Variants in KLF12 observed in about 807,000 individuals in gnomAD.
KLF12 encodes KLF transcription factor 12, also known as Krueppel-like factor 12.
Under a neutral mutation model 37.8 loss-of-function variants are expected in KLF12, and 9 were observed. The observed-to-expected ratio is 0.24, with a 90% CI of 0.14 to 0.42. KLF12 has a LOEUF of 0.42. KLF12 is among the 10% of genes least tolerant of loss of function. The probability of loss-of-function intolerance (pLI) is 1.00; values close to 1 mark genes in which losing one functional copy is unlikely to be tolerated. For missense variants in KLF12, 411 were observed against 516.0 expected (o/e 0.80, Z 1.97); for synonymous variants, 208 against 202.1 (o/e 1.03, Z -0.25).
chr13:74,064,660 A>C (rs1873803649), intron 1 of KLF12, among the ~76,000 whole-genome samples: 1 of 152,248 alleles, frequency 6.6e-6, no homozygotes, highest in Non-Finnish European at 1.5e-5. Flanking sequence ...TGAATGCTGA[A>C]AGGTCAATTA....
At chr13:73,701,904 G>A (rs1341284683) in intron 7 of KLF12, among the ~76,000 whole-genome samples, 1 of 151,948 alleles carries the variant, frequency 6.6e-6, no homozygotes, top group East Asian at 1.9e-4. Flanking sequence ...GAAAAACCTG[G>A]ACTAAACTAG....
chr13:73,898,469 C>T (rs1594227530), intron 3 of KLF12, among the ~76,000 whole-genome samples: 2 of 152,224 alleles, frequency 1.3e-5, no homozygotes, highest in African/African-American at 4.8e-5. Flanking sequence ...ATATCTAGGG[C>T]CAGACAATTC....
the KLF12 span, among the ~76,000 whole-genome samples, chr13:74,208,776 G>T: frequency 6.6e-6 from 1 of 152,106 alleles, no homozygotes. Context: ...GGAGTTTGAG[G>T]CAGCTTGGGC....
intron 3 of KLF12, among the ~76,000 whole-genome samples, chr13:73,892,481 TTATC>T (rs1887554875): frequency 6.6e-6 from 1 of 152,180 alleles, no homozygotes; most frequent in Non-Finnish European, 1.5e-5. Context: ...CACTAAGACT[TTATC>T]TACTCTAGCA....
chr13:74,155,352 C>T, the KLF12 span, among the ~76,000 whole-genome samples: 1 of 143,828 alleles, frequency 7.0e-6, no homozygotes, highest in African/African-American at 2.5e-5. Flanking sequence ...CTTTTCTTTC[C>T]TTTTGTTTTT....
intron 1 of KLF12, among the ~76,000 whole-genome samples, chr13:74,013,363 T>C (rs955572691): frequency 1.3e-5 from 2 of 152,138 alleles, no homozygotes; most frequent in Non-Finnish European, 2.9e-5. Context: ...CCAGACAGAG[T>C]AAGGCTGAAA....
chr13:73,748,684 A>G (rs138377584), intron 6 of KLF12, among the ~76,000 whole-genome samples: 1 of 152,306 alleles, frequency 6.6e-6, no homozygotes, highest in Non-Finnish European at 1.5e-5. Flanking sequence ...GTATTTTTTT[A>G]ATGGCAGGCC....
At chr13:73,936,671 G>T (rs1197151162) in intron 3 of KLF12, among the ~76,000 whole-genome samples, 1 of 152,082 alleles carries the variant, frequency 6.6e-6, no homozygotes, top group Non-Finnish European at 1.5e-5. Context: ...CCCTGTTTGG[G>T]TTCTTCCTCC....
the KLF12 span, among the ~76,000 whole-genome samples, chr13:74,182,198 A>G: frequency 6.6e-6 from 1 of 152,234 alleles, no homozygotes; most frequent in Non-Finnish European, 1.5e-5. Context: ...TTTGAAAAGT[A>G]TAATCTCAAT....
At chr13:73,792,817 A>G (rs1180984608) in intron 5 of KLF12, among the ~76,000 whole-genome samples, 1 of 152,220 alleles carries the variant, frequency 6.6e-6, no homozygotes, top group Admixed American at 6.5e-5. Context: ...ATGAAAGTTT[A>G]TATTTTTTAT....
At chr13:74,274,872 T>G in the KLF12 span, among the ~76,000 whole-genome samples, 1 of 152,192 alleles carries the variant, frequency 6.6e-6, no homozygotes, top group South Asian at 2.1e-4. Flanking sequence ...TTCTCCCACT[T>G]CATCAATTTT....
At chr13:73,829,361 C>T (rs555851839) in intron 4 of KLF12, among the ~76,000 whole-genome samples, 115 of 152,168 alleles carry the variant, frequency 7.6e-4, no homozygotes, top group Non-Finnish European at 1.4e-3. Context: ...CAAAATAAAT[C>T]AGTACTGTAA....
chr13:74,249,267 A>G, the KLF12 span, among the ~76,000 whole-genome samples: 25 of 151,856 alleles, frequency 1.6e-4, no homozygotes, highest in African/African-American at 5.6e-4. Context: ...AATGGCAAAT[A>G]TTTGATACTT....
At chr13:73,770,022 ATTAGG>A (rs989280404) in intron 5 of KLF12, among the ~76,000 whole-genome samples, 2 of 152,182 alleles carry the variant, frequency 1.3e-5, no homozygotes, top group African/African-American at 4.8e-5. Context: ...CTATATTTTA[ATTAGG>A]TTAATGATTA....
At chr13:73,806,525 A>G (rs1319548081) in intron 5 of KLF12, among the ~76,000 whole-genome samples, 5 of 152,084 alleles carry the variant, frequency 3.3e-5, no homozygotes, top group Admixed American at 3.3e-4. Context: ...CACAGCACCC[A>G]GCTGCTTTAG....
chr13:74,195,037 A>C, the KLF12 span, among the ~76,000 whole-genome samples: 1 of 152,192 alleles, frequency 6.6e-6, no homozygotes, highest in East Asian at 1.9e-4. Flanking sequence ...CGCGGAAAGC[A>C]GACTGAACAG....
At chr13:73,959,157 G>C (rs1253783801) in intron 2 of KLF12, among the ~76,000 whole-genome samples, 3 of 123,350 alleles carry the variant, frequency 2.4e-5, no homozygotes, top group East Asian at 5.7e-4. Flanking sequence ...GACACATCTT[G>C]CTCCGCATCA....
intron 3 of KLF12, among the ~76,000 whole-genome samples, chr13:73,921,705 T>C (rs1165253044): frequency 6.6e-6 from 1 of 152,212 alleles, no homozygotes; most frequent in South Asian, 2.1e-4. Context: ...TACATGTTGA[T>C]AGTAATTCAA....
chr13:74,011,863 T>G (rs1256909046), intron 1 of KLF12, among the ~76,000 whole-genome samples: 1 of 152,214 alleles, frequency 6.6e-6, no homozygotes, highest in Non-Finnish European at 1.5e-5. Context: ...TATTAATATA[T>G]TATTTTAAAT....
Sources: allele counts gnomAD v4.1 joint callset (sites outside exome capture counted in the v4.1 genomes callset), GRCh38; gene constraint gnomAD v4.1.1; transcripts MANE v1.5; gene names NCBI Gene and HGNC (gene_info 2026-07-23, HGNC 2026-07-21).